Variants in EIF3L observed in about 807,000 individuals in gnomAD.
EIF3L encodes eukaryotic translation initiation factor 3 subunit L, also known as eIEF associated protein HSPC021.
Under a neutral mutation model 74.6 loss-of-function variants are expected in EIF3L, and 32 were observed. That is an observed-to-expected ratio of 0.43 (90% CI 0.32 to 0.58). The LOEUF is 0.58. EIF3L is among the 20% of genes least tolerant of loss of function. EIF3L has a pLI of 0.06. For synonymous variants in EIF3L, 256 were observed against 254.4 expected (o/e 1.01, Z -0.06); for missense variants, 474 against 707.8 (o/e 0.67, Z 3.75).
chr22:37,849,445 C>G lies in EIF3L; in HGVS notation c.-5C>G, dbSNP rs745650688. On this transcript the variant is annotated 5_prime_UTR_variant, in exon 1 of 13. Transcript: ENST00000652021. ...TTTCCGGCGGTGCTCGCAAGCGAGG[C>G]AGCCATGTCTTATCCCGCTGATGAT... 1.2e-6 allele frequency: 2 copies of G among 1,613,638 alleles called. No homozygotes were observed. The highest frequency in any genetic ancestry group is 8.5e-7 in the Non-Finnish European group (1 of 1,179,792).
chr22:37,864,566 T>A (rs1176089319), intron 7 of EIF3L, among the ~76,000 whole-genome samples: 2 of 144,372 alleles, frequency 1.4e-5, no homozygotes, highest in African/African-American at 5.2e-5. Context: ...GGAGATGGAG[T>A]CTGACTCTGT....
intron 10 of EIF3L, chr22:37,876,220 C>T (rs1484744552): frequency 3.8e-6 from 2 of 522,000 alleles, no homozygotes; most frequent in Non-Finnish European, 6.7e-6. Flanking sequence ...GCCTCAACCT[C>T]CTGGGATCAG....
chr22:37,867,904 G>A (rs1222123170), intron 7 of EIF3L, among the ~76,000 whole-genome samples: 4 of 144,454 alleles, frequency 2.8e-5, no homozygotes, highest in African/African-American at 1.0e-4. Context: ...GCAGAGAGCC[G>A]AGATTGCACC....
intron 8 of EIF3L, among the ~76,000 whole-genome samples, chr22:37,872,006 A>G (rs374685835): frequency 1.3e-5 from 2 of 152,234 alleles, no homozygotes; most frequent in Non-Finnish European, 2.9e-5. Flanking sequence ...AACCAGTGGT[A>G]GTTTCATACA....
intron 11 of EIF3L, chr22:37,879,248 C>T (rs1373051115): frequency 6.6e-6 from 1 of 152,418 alleles, no homozygotes; most frequent in African/African-American, 2.4e-5. Flanking sequence ...TGCCTGTAAT[C>T]CCAGCACTTT....
intron 3 of EIF3L, among the ~76,000 whole-genome samples, chr22:37,854,537 A>G (rs1601753405): frequency 6.6e-6 from 1 of 152,130 alleles, no homozygotes; most frequent in African/African-American, 2.4e-5. Context: ...GCGCAATCTC[A>G]GCTCATCGCA....
intron 3 of EIF3L, among the ~76,000 whole-genome samples, chr22:37,853,635 A>C (rs1925345979): frequency 6.6e-6 from 1 of 152,220 alleles, no homozygotes; most frequent in African/African-American, 2.4e-5. Context: ...CCTGATGTTC[A>C]ATAGAAATGT....
intron 7 of EIF3L, among the ~76,000 whole-genome samples, chr22:37,864,239 A>G (rs907758948): frequency 3.9e-5 from 6 of 152,146 alleles, no homozygotes; most frequent in Non-Finnish European, 8.8e-5. Flanking sequence ...ATTACTGTAG[A>G]GACGAGGGTC....
At position 37,866,031 on chromosome 22, in the gene EIF3L, TTTTA is replaced by T. The variant is rs1926130585; in HGVS notation, c.579+2694_579+2697del. ...TAGGTGGCTCTTCCTCGCCACCCTG[TTTTA>T]TTTATTTGTTTTTGTTTTTTCAAAC... is the stretch of plus-strand genomic sequence containing the variant. On this transcript the variant is annotated intron_variant, in intron 7 of 12. Coordinates refer to ENST00000652021, the MANE Select transcript of EIF3L (RefSeq NM_016091.4). Among the ~76,000 whole-genome samples the T allele has an allele frequency of 2.6e-5, 4 of 152,116 alleles. No individual in the cohort carries two copies. In the South Asian group the frequency reaches 8.3e-4, roughly 32 times the overall value.
At chr22:37,863,507 G>A (rs1293660968) in intron 7 of EIF3L, among the ~76,000 whole-genome samples, 162 bp downstream of exon 7, 1 of 152,150 alleles carries the variant, frequency 6.6e-6, no homozygotes, top group African/African-American at 2.4e-5. Flanking sequence ...TTCGGAAGAG[G>A]CAGGGAAGCC....
At chr22:37,861,085 T>A (rs909261198) in intron 5 of EIF3L, among the ~76,000 whole-genome samples, 1 of 152,198 alleles carries the variant, frequency 6.6e-6, no homozygotes, top group Non-Finnish European at 1.5e-5. Context: ...GCTTGTCTTG[T>A]TCACCAATAT....
intron 11 of EIF3L, chr22:37,878,417 TAAAA>T (rs34181613): frequency 0.017 from 2,434 of 143,146 alleles, 60 homozygotes; most frequent in African/African-American, 0.063. Context: ...TTTTCTCTAT[TAAAA>T]AAAAAAAAAA....
Position 37,870,341 on chromosome 22 carries a change from A to G in EIF3L, c.745A>G (p.Ser249Gly). 1 of 1,603,538 alleles carries G rather than the reference A, an allele frequency of 6.2e-7. No homozygotes were observed. Among genetic ancestry groups the G allele is most frequent in the Non-Finnish European group, 8.5e-7 (1 of 1,173,722 alleles). ...CAACCGACAGTTGGAGGTATACACA[A>G]GCGGAGGTGAGTGCAGCAGGCCGAC... ...NINRQLEVYT[S>G]GGDPESVAGE... The change falls in exon 8 of 13, where the codon AGC (serine) becomes GGC (glycine). Residue 249 changes from serine to glycine, a missense_variant. Transcript: ENST00000652021.
At chr22:37,887,024 G>A (rs747012660) in intron 12 of EIF3L, 179 bp downstream of exon 12, 23 of 446,266 alleles carry the variant, frequency 5.2e-5, no homozygotes, top group South Asian at 4.1e-4. Flanking sequence ...TGCCTCCTGG[G>A]TTCAAGCGAG....
intron 7 of EIF3L, among the ~76,000 whole-genome samples, chr22:37,863,892 C>T (rs1252340418): frequency 6.6e-6 from 1 of 151,998 alleles, no homozygotes; most frequent in East Asian, 1.9e-4. Flanking sequence ...GGTGAAACCC[C>T]GTCTCTACTG....
intron 7 of EIF3L, among the ~76,000 whole-genome samples, chr22:37,866,787 AAAAAAAC>A (rs941455764): frequency 5.1e-4 from 78 of 152,264 alleles, no homozygotes; most frequent in South Asian, 1.0e-3. Context: ...CTCTGTCTCA[AAAAAAAC>A]AAAAAACAAA....
At chr22:37,850,143 A>G in intron 2 of EIF3L, 80 bp downstream of exon 2, 1 of 1,537,146 alleles carries the variant, frequency 6.5e-7, no homozygotes. Flanking sequence ...TCTGACAGGC[A>G]TCAAAAATTG....
Position 37,874,408 on chromosome 22 carries a change from T to C in EIF3L, c.790T>C (p.Ser264Pro). The C allele has an allele frequency of 6.2e-7, 1 of 1,614,116 alleles. No individual in the cohort carries two copies. Residue 264 changes from serine (S) to proline (P), a missense_variant, in exon 9 of 13, where the codon TCC becomes CCC. Physicochemically the swap from Ser to Pro is moderately conservative, Grantham distance 74. Transcript: ENST00000652021. ...ESVAGEYGRH[S>P]LYKMLGYFSL... ...TGTGGCTGGGGAGTATGGGCGGCACTCCCTCTACAAAATGCTTGGTTACTT... is the reference window on the plus strand; with the variant it reads ...TGTGGCTGGGGAGTATGGGCGGCACCCCCTCTACAAAATGCTTGGTTACTT...
At chr22:37,857,193 C>T (rs903468899) in intron 4 of EIF3L, among the ~76,000 whole-genome samples, 1 of 151,746 alleles carries the variant, frequency 6.6e-6, no homozygotes, top group Non-Finnish European at 1.5e-5. Context: ...AACCCCGTCT[C>T]TACTAAAAAT....
Sources: gnomAD v4.1 joint callset for allele counts (sites outside exome capture counted in the v4.1 genomes callset) on GRCh38, gnomAD v4.1.1 for gene constraint, MANE v1.5 for transcripts, NCBI Gene and HGNC (gene_info 2026-07-23, HGNC 2026-07-21) for gene names.